CD99L2: variants seen among roughly 807,000 people sequenced by gnomAD.
CD99L2 encodes the protein CD99 antigen-like protein 2.
In CD99L2, 24 loss-of-function variants were observed where a neutral mutation model predicts 27.3. The observed-to-expected ratio is 0.88, with a 90% confidence interval of 0.64 to 1.24. The LOEUF is 1.24. Ranked by LOEUF, CD99L2 falls within the 50% of genes most tolerant of loss-of-function variation. CD99L2 has a pLI of 0.00. For synonymous variants in CD99L2, 97 were observed against 87.9 expected, an observed-to-expected ratio of 1.10 and a Z score of -0.58; for missense variants, 255 against 221.6, an observed-to-expected ratio of 1.15 and a Z score of -0.96.
chrX:150,785,716 T>C (rs1557419543), intron 7 of CD99L2, among the ~76,000 whole-genome samples: 1 of 111,942 alleles, frequency 8.9e-6, no homozygotes, highest in African/African-American at 3.3e-5. Context: ...TTGGCTGTAG[T>C]GGAACTTCAT....
At chrX:150,880,568 G>A (rs1475973066) in intron 1 of CD99L2, among the ~76,000 whole-genome samples, 2 of 111,564 alleles carry the variant, frequency 1.8e-5, no homozygotes, top group Non-Finnish European at 3.8e-5. Flanking sequence ...GGGAGGGGCT[G>A]GTAAGGGGTT....
At chrX:150,873,470 G>A (rs989692088) in intron 1 of CD99L2, among the ~76,000 whole-genome samples, 4 of 112,219 alleles carry the variant, frequency 3.6e-5, no homozygotes, top group Non-Finnish European at 7.5e-5. Context: ...AGTGATGAAA[G>A]TGTTTCAGAG....
At position 150,776,307 on chromosome X, in the gene CD99L2, G is replaced by A; in HGVS notation, c.536-14C>T. The A allele has an allele frequency of 1.0e-5, 12 of 1,194,254 alleles. No individual in the cohort carries two copies. The highest frequency in any genetic ancestry group is 1.4e-5 in the Non-Finnish European group (12 of 886,765). The stretch of plus-strand genomic sequence containing the variant: ...CTGCCACCATGCCTGCGTGAAGAAG[G>A]GGGAGAAATGAGGACAGGTGAGGTC... On this transcript the variant is annotated splice_polypyrimidine_tract_variant and intron_variant, in intron 8 of 10. Coordinates refer to ENST00000370377, the MANE Select transcript of CD99L2 (RefSeq NM_031462.4).
At chrX:150,771,777 G>C in intron 9 of CD99L2, 1 of 1,154,174 alleles carries the variant, frequency 8.7e-7, no homozygotes. Context: ...GAAGCAAAAG[G>C]AAAGTGAGGA....
rs782578153 is a variant in CD99L2, at chrX:150,826,307, T to C, written c.130+4924A>G. 1.5e-4 allele frequency among the ~76,000 whole-genome samples: 17 copies of C among 111,783 alleles called. No individual in the cohort carries two copies. In the South Asian group the frequency reaches 6.0e-3, roughly 40 times the overall value. ...CACAAATGGACTAATACAGGGCCCA[T>C]GGTATTCCCAGGGAATGGGGACATT... is the stretch of plus-strand genomic sequence containing the variant. On this transcript the variant is annotated intron_variant, in intron 2 of 10. Coordinates refer to ENST00000370377, the MANE Select transcript of CD99L2 (RefSeq NM_031462.4).
In CD99L2 at chrX:150,898,085, C is replaced by T. The variant is rs186342173; in HGVS notation, c.67+437G>A. ...CCCCCCCCCCCCCACAGCCCATGCC[C>T]GCTGTGATCCCGATGAAAGGGGCTA... On this transcript the variant is annotated intron_variant, in intron 1 of 10. Coordinates refer to ENST00000370377, the MANE Select transcript of CD99L2 (RefSeq NM_031462.4). 6.4e-3 allele frequency among the ~76,000 whole-genome samples: 630 copies of T among 99,174 alleles called. 32 individuals are homozygous for T. The Admixed American group carries it at 0.064, about 10-fold the overall frequency. The allele number at this position is 99,174 out of a possible 115,157, so 86.1% of individuals were successfully genotyped here. A position where few individuals can be genotyped will look rare whatever the true frequency, so the allele number is the denominator to read the frequency against.
Position 150,815,514 on chromosome X carries a change from C to T in CD99L2, c.202+493G>A, listed in dbSNP as rs975462744. Among the ~76,000 whole-genome samples, 147 of 112,044 alleles carry T rather than the reference C, an allele frequency of 1.3e-3. No homozygotes were observed. The Middle Eastern group carries it at 0.019, about 14-fold the overall frequency. On this transcript the variant is annotated intron_variant, in intron 3 of 10. Coordinates refer to ENST00000370377, the MANE Select transcript of CD99L2 (RefSeq NM_031462.4). ...GACTGGGATCCCAGCCACACCGTCACATTTTTCTTTACATCAGTGAAGATG... is the reference window on the plus strand; with the variant it reads ...GACTGGGATCCCAGCCACACCGTCATATTTTTCTTTACATCAGTGAAGATG...
chrX:150,789,217 G>A (rs1248986366), intron 7 of CD99L2, among the ~76,000 whole-genome samples: 3 of 106,116 alleles, frequency 2.8e-5, no homozygotes, highest in Non-Finnish European at 3.9e-5. Context: ...CCACCTCCCA[G>A]GTTCAAGCGA....
chrX:150,799,188 TCAA>T (rs1414090904), intron 4 of CD99L2, among the ~76,000 whole-genome samples: 1 of 110,674 alleles, frequency 9.0e-6, no homozygotes, highest in African/African-American at 3.3e-5. Flanking sequence ...CTTATACAAG[TCAA>T]CAACAACAAA....
At chrX:150,841,870 C>T (rs1456063984) in intron 1 of CD99L2, among the ~76,000 whole-genome samples, 7 of 111,821 alleles carry the variant, frequency 6.3e-5, no homozygotes. Flanking sequence ...AAGAAATATT[C>T]TCAGGAGATA....
At chrX:150,827,084 T>C (rs1336471498) in intron 2 of CD99L2, among the ~76,000 whole-genome samples, 2 of 110,974 alleles carry the variant, frequency 1.8e-5, no homozygotes, top group African/African-American at 6.6e-5. Flanking sequence ...TTGTTAGGCC[T>C]AGCACCTAGC....
chrX:150,832,568 T>TA (rs1250629125), intron 1 of CD99L2, among the ~76,000 whole-genome samples: 3 of 111,925 alleles, frequency 2.7e-5, no homozygotes, highest in African/African-American at 9.7e-5. Flanking sequence ...AGTGAAGAGT[T>TA]AAAAGCTTTT....
chrX:150,831,394 A>G, intron 1 of CD99L2, 101 bp from the exon 2 acceptor site: 3 of 695,795 alleles, frequency 4.3e-6, no homozygotes, highest in Non-Finnish European at 6.3e-6. Flanking sequence ...GTGAAGGAAT[A>G]ACAAAAGGTA....
At chrX:150,809,896 C>G (rs1455519937) in intron 4 of CD99L2, among the ~76,000 whole-genome samples, 3 of 111,814 alleles carry the variant, frequency 2.7e-5, no homozygotes, top group Non-Finnish European at 3.8e-5. Context: ...ATAAAAGAAT[C>G]AATCCACTAG....
chrX:150,798,613 T>C (rs2045852841), intron 4 of CD99L2, among the ~76,000 whole-genome samples: 1 of 112,016 alleles, frequency 8.9e-6, no homozygotes, highest in Non-Finnish European at 1.9e-5. Flanking sequence ...AAGCTAAAAC[T>C]ATAAAACTCT....
chrX:150,816,573 T>C (rs782114175), intron 2 of CD99L2: 151 of 122,446 alleles, frequency 1.2e-3, no homozygotes, highest in Non-Finnish European at 1.8e-3. Context: ...TTTATATAAG[T>C]GTAGAACACT....
At chrX:150,866,558 C>T (rs191612523) in intron 1 of CD99L2, among the ~76,000 whole-genome samples, 1 of 102,146 alleles carries the variant, frequency 9.8e-6, no homozygotes, top group Non-Finnish European at 2.0e-5. Context: ...AATAACAAGA[C>T]CCTGTCTCTA....
intron 1 of CD99L2, among the ~76,000 whole-genome samples, chrX:150,861,569 C>T (rs1334667842): frequency 3.6e-5 from 4 of 111,346 alleles, no homozygotes; most frequent in African/African-American, 1.3e-4. Context: ...GGGGATATCA[C>T]CACTGATCTC....
chrX:150,850,479 A>T (rs902485337), intron 1 of CD99L2, among the ~76,000 whole-genome samples: 25 of 112,043 alleles, frequency 2.2e-4, no homozygotes, highest in African/African-American at 7.4e-4. Context: ...GCACCAGCGG[A>T]CGTGCACATA....
Sources: gnomAD v4.1 joint callset for allele counts (sites outside exome capture counted in the v4.1 genomes callset) on GRCh38, gnomAD v4.1.1 for gene constraint, MANE v1.5 for transcripts, NCBI Gene and HGNC (gene_info 2026-07-23, HGNC 2026-07-21) for gene names.